The following DLGAP1 variants were observed in gnomAD, a reference collection of about 807,000 sequenced individuals.
DLGAP1 encodes DLG associated protein 1.
Under a neutral mutation model 90.8 loss-of-function variants are expected in DLGAP1, and 11 were observed. That is an observed-to-expected ratio of 0.12 (90% CI 0.08 to 0.20). The LOEUF (loss-of-function observed/expected upper bound fraction) is 0.20. Among genes scored for constraint, DLGAP1 ranks in the 10% least tolerant of loss-of-function variants. The pLI is 1.00. For synonymous variants in DLGAP1, 558 were observed against 540.7 expected (o/e 1.03, Z -0.44); for missense variants, 1,050 against 1,333.8 (o/e 0.79, Z 3.31).
Position 3,665,158 on chromosome 18 carries a change from AG to A in DLGAP1, c.1591+63976del, listed in dbSNP as rs2059832990. On this transcript the variant is annotated intron_variant, in intron 7 of 12. Transcript: ENST00000315677. The stretch of plus-strand genomic sequence containing the variant: ...ACATTTATGTCTTTAGTTGGAAATT[AG>A]GGAGCTCTCCTAAAAGTCTAAAGAA... Among the ~76,000 whole-genome samples the A allele has an allele frequency of 2.6e-5, 4 of 152,222 alleles. No individual in the cohort carries two copies. The South Asian group carries it at 8.3e-4, about 31-fold the overall frequency.
At chr18:4,155,175 T>C (rs1202156753) in intron 1 of DLGAP1, among the ~76,000 whole-genome samples, 1 of 152,036 alleles carries the variant, frequency 6.6e-6, no homozygotes, top group African/African-American at 2.4e-5. Context: ...GTTATAGTGC[T>C]AAGGTGGGAG....
At chr18:3,575,196 C>T (rs1194863337) in intron 8 of DLGAP1, among the ~76,000 whole-genome samples, 2 of 152,128 alleles carry the variant, frequency 1.3e-5, no homozygotes, top group African/African-American at 2.4e-5. Flanking sequence ...GTTTCATTAT[C>T]TGCAGTTGGA....
At chr18:4,409,414 G>A (rs572902240) in intron 1 of DLGAP1, among the ~76,000 whole-genome samples, 21 of 152,308 alleles carry the variant, frequency 1.4e-4, no homozygotes, top group South Asian at 6.2e-4. Flanking sequence ...ATAATGTGAT[G>A]TTGAGAAATA....
rs535681513 is a variant in DLGAP1, at chr18:3,844,568, C to T, written c.958-30295G>A. 2.6e-5 allele frequency among the ~76,000 whole-genome samples: 4 copies of T among 152,230 alleles called. No homozygotes were observed. In the South Asian group the frequency reaches 8.3e-4, roughly 32 times the overall value. ...AGAGAGAGCTGATGGTTTCTAATTC[C>T]ATAAACTTAGTGGACAAGTACATTT... On this transcript the variant is annotated intron_variant, in intron 4 of 12. Transcript: ENST00000315677.
intron 2 of DLGAP1, among the ~76,000 whole-genome samples, chr18:4,096,304 C>A (rs535246062): frequency 1.3e-5 from 2 of 151,994 alleles, no homozygotes; most frequent in Non-Finnish European, 2.9e-5. Context: ...GGATTACAGG[C>A]GTGAGCCACT....
chr18:4,156,355 G>A (rs982505767), intron 1 of DLGAP1, among the ~76,000 whole-genome samples: 4 of 152,106 alleles, frequency 2.6e-5, no homozygotes, highest in Non-Finnish European at 5.9e-5. Flanking sequence ...ATTATATAAG[G>A]ATTAAATAAA....
chr18:4,256,580 C>G (rs1245035307), intron 1 of DLGAP1, among the ~76,000 whole-genome samples: 2 of 152,086 alleles, frequency 1.3e-5, no homozygotes, highest in Non-Finnish European at 2.9e-5. Flanking sequence ...TTAAAATGTA[C>G]TCAACTCAAG....
rs185005049 is a variant in DLGAP1, at chr18:3,772,438, C to T, written c.1173-29926G>A. ...TCTTTCTTTCCTTCCTTCCTCCCTC[C>T]CTCCCTCCCCCCCACCCCCCTCTTT... On this transcript the variant is annotated intron_variant, in intron 5 of 12. Coordinates refer to ENST00000315677, the MANE Select transcript of DLGAP1 (RefSeq NM_004746.4). 8.7e-4 allele frequency among the ~76,000 whole-genome samples: 57 copies of T among 65,868 alleles called. 1 individual carries two copies. The highest frequency in any genetic ancestry group is 0.017 in the Middle Eastern group (2 of 118). The allele number at this position is 65,868 out of a possible 152,430, so 43.2% of individuals were successfully genotyped here.
intron 3 of DLGAP1, among the ~76,000 whole-genome samples, chr18:3,909,209 T>C (rs1348292859): frequency 6.6e-6 from 1 of 152,188 alleles, no homozygotes; most frequent in Non-Finnish European, 1.5e-5. Context: ...TTGAAACCAA[T>C]TGCTGAAGAT....
chr18:3,985,113 A>G (rs1599269748), intron 3 of DLGAP1, among the ~76,000 whole-genome samples: 1 of 152,154 alleles, frequency 6.6e-6, no homozygotes, highest in Non-Finnish European at 1.5e-5. Context: ...ATTCAAAGAT[A>G]CCAGCCACAT....
At chr18:4,177,326 A>G (rs1241793226) in intron 1 of DLGAP1, among the ~76,000 whole-genome samples, 1 of 149,660 alleles carries the variant, frequency 6.7e-6, no homozygotes, top group Non-Finnish European at 1.5e-5. Flanking sequence ...AAACTTGACT[A>G]ATACATATGC....
chr18:3,779,658 C>T (rs2065096845), intron 5 of DLGAP1, among the ~76,000 whole-genome samples: 2 of 152,160 alleles, frequency 1.3e-5, no homozygotes, highest in South Asian at 4.1e-4. Context: ...AGTTTAAATC[C>T]CATCTCCTCC....
chr18:3,961,556 G>A (rs59586943), intron 3 of DLGAP1, among the ~76,000 whole-genome samples: 1,961 of 152,200 alleles, frequency 0.013, 42 homozygotes, highest in African/African-American at 0.045. Flanking sequence ...ACCATGAGCA[G>A]GATACACAAG....
chr18:4,372,307 GC>G (rs1278163280), intron 1 of DLGAP1, among the ~76,000 whole-genome samples: 1 of 152,182 alleles, frequency 6.6e-6, no homozygotes, highest in Non-Finnish European at 1.5e-5. Context: ...CATTCAACAA[GC>G]CTTTACCTTG....
chr18:4,016,606 T>C (rs2074527098), intron 2 of DLGAP1, among the ~76,000 whole-genome samples: 1 of 152,226 alleles, frequency 6.6e-6, no homozygotes, highest in African/African-American at 2.4e-5. Flanking sequence ...CAGGAGGCTC[T>C]ATTGCTCAAG....
At chr18:4,351,512 G>C (rs953893042) in intron 1 of DLGAP1, among the ~76,000 whole-genome samples, 1 of 152,176 alleles carries the variant, frequency 6.6e-6, no homozygotes, top group Non-Finnish European at 1.5e-5. Context: ...TCTCTTAGGT[G>C]ACTTAATTTC....
intron 1 of DLGAP1, among the ~76,000 whole-genome samples, chr18:4,445,346 T>G (rs2083635738): frequency 6.6e-6 from 1 of 151,804 alleles, no homozygotes; most frequent in South Asian, 2.1e-4. Context: ...GTGCACCTTA[T>G]GCAGGTTAGT....
intron 1 of DLGAP1, among the ~76,000 whole-genome samples, chr18:4,387,392 A>T (rs1433937198): frequency 1.3e-5 from 2 of 152,252 alleles, no homozygotes; most frequent in Non-Finnish European, 2.9e-5. Context: ...ATATGTGACC[A>T]GACGATGATT....
intron 1 of DLGAP1, among the ~76,000 whole-genome samples, chr18:4,426,140 G>C (rs2083147264): frequency 6.6e-6 from 1 of 152,196 alleles, no homozygotes; most frequent in African/African-American, 2.4e-5. Context: ...CTGTGTGGTA[G>C]TGATGTAGTT....
Sources: gnomAD v4.1 joint callset for allele counts (sites outside exome capture counted in the v4.1 genomes callset) on GRCh38, gnomAD v4.1.1 for gene constraint, MANE v1.5 for transcripts, NCBI Gene and HGNC (gene_info 2026-07-23, HGNC 2026-07-21) for gene names.